The following RHO variants were observed in gnomAD, a reference collection of about 807,000 sequenced individuals.
RHO encodes the protein opsin 2, rod pigment.
RHO carries 21 observed loss-of-function variants against 31.2 expected under a neutral mutation model. The observed-to-expected ratio is 0.67, with a 90% CI of 0.48 to 0.97. RHO has a LOEUF of 0.97. RHO is among the 50% of genes least tolerant of loss of function. The pLI, the probability that RHO is intolerant of heterozygous loss-of-function variation, is 0.00. For missense variants in RHO, 414 were observed against 479.5 expected (o/e 0.86, Z 1.28); for synonymous variants, 211 against 196.6 (o/e 1.07, Z -0.61).
At position 129,529,074 on chromosome 3, in the gene RHO, G is replaced by C. The variant is rs104893788; in HGVS notation, c.341G>C (p.Gly114Ala). The change falls in exon 1 of 5, where the codon GGC (glycine) becomes GCC (alanine). Residue 114 changes from glycine to alanine, a missense_variant. By Grantham distance (60) the Gly-to-Ala change is moderately conservative (BLOSUM62 0). Transcript: ENST00000296271. The stretch of plus-strand genomic sequence containing the variant: ...GGGCCCACAGGATGCAATTTGGAGG[G>C]CTTCTTTGCCACCCTGGGCGGTATG... ...VFGPTGCNLE[G>A]FFATLGGEIA... 6.2e-7 allele frequency: 1 copy of C among 1,613,180 alleles called. No individual in the cohort carries two copies. The highest frequency in any genetic ancestry group is 8.5e-7 in the Non-Finnish European group (1 of 1,179,338).
chr3:129,530,506 A>AAC (rs146327704), intron 1 of RHO, among the ~76,000 whole-genome samples: 1,483 of 132,224 alleles, frequency 0.011, 14 homozygotes, highest in Non-Finnish European at 0.016. Context: ...TCTTCTGCTA[A>AAC]ACACACACAC....
chr3:129,530,734 A>T, intron 1 of RHO, 142 bp from the exon 2 acceptor site: 1 of 988,534 alleles, frequency 1.0e-6, no homozygotes, highest in East Asian at 2.4e-5. Context: ...TCCCAGCACC[A>T]AGCTCTCTCC....
Position 129,528,769 on chromosome 3 carries a change from C to T in RHO, c.36C>T (p.Pro12=), listed in dbSNP as rs1239256015. The T allele has an allele frequency of 5.0e-6, 8 of 1,614,082 alleles. No homozygotes were observed. Among genetic ancestry groups the T allele is most frequent in the South Asian group, 1.1e-5 (1 of 91,088 alleles). Residue 12 remains proline (P), a synonymous_variant, in exon 1 of 5, where the codon CCC becomes CCT. Coordinates refer to ENST00000296271, the MANE Select transcript of RHO (RefSeq NM_000539.3). ...CAGAAGGCCCTAACTTCTACGTGCC[C>T]TTCTCCAATGCGACGGGTGTGGTAC... The part of the protein sequence containing the change: ...NGTEGPNFYV[P]FSNATGVVRS...
chr3:129,528,649 A>AG lies in RHO; in HGVS notation c.-84dup. ...GGGGGGTCAGAACCCAGAGTCATCCAGCTGGAGCCCTGAGTGGCTGAGCTC... is the reference window on the plus strand; with the variant it reads ...GGGGGGTCAGAACCCAGAGTCATCCAGGCTGGAGCCCTGAGTGGCTGAGCTC... On this transcript the variant is annotated 5_prime_UTR_variant, in exon 1 of 5. Coordinates refer to ENST00000296271, the MANE Select transcript of RHO (RefSeq NM_000539.3). The AG allele has an allele frequency of 6.3e-7, 1 of 1,588,350 alleles. No individual in the cohort carries two copies. Among genetic ancestry groups the AG allele is most frequent in the Non-Finnish European group, 8.6e-7 (1 of 1,166,748 alleles).
rs2084794643 is a variant in RHO at position 129,532,884 on chromosome 3, A to T, written c.936+112A>T. On this transcript the variant is annotated intron_variant, in intron 4 of 4. Coordinates refer to ENST00000296271, the MANE Select transcript of RHO (RefSeq NM_000539.3). The surrounding 1 kb of genome is among the most constrained non-coding windows in gnomAD (Gnocchi z 5.5). ...GGGCTCCATCAGGGTTACTGGCAGC[A>T]GTCTTGGGTCAGCAGTCCCAATGGG... 1.4e-6 allele frequency: 2 copies of T among 1,441,610 alleles called. No homozygotes were observed. Among genetic ancestry groups the T allele is most frequent in the East Asian group, 4.5e-5 (2 of 44,008 alleles). The allele number at this position is 1,441,610 out of a possible 1,614,324, so 89.3% of individuals were successfully genotyped here.
intron 2 of RHO, 73 bp downstream of exon 2, chr3:129,531,117 A>G (rs1044079158): frequency 1.3e-5 from 21 of 1,563,156 alleles, no homozygotes; most frequent in Non-Finnish European, 1.6e-5. Flanking sequence ...ACTCAAACCC[A>G]GTAGTGTCTG....
chr3:129,530,533 A>AACACACACAC lies in RHO; in HGVS notation c.362-317_362-308dup, dbSNP rs60120581. On this transcript the variant is annotated intron_variant, in intron 1 of 4. Coordinates refer to ENST00000296271, the MANE Select transcript of RHO (RefSeq NM_000539.3). ...CACACACACACACACACACACACAC[A>AACACACACAC]ACACACACACACACACACACACACA... 9.3e-3 allele frequency among the ~76,000 whole-genome samples: 1,141 copies of AACACACACAC among 122,890 alleles called. 111 individuals are homozygous for AACACACACAC. The East Asian group carries it at 0.21, about 22-fold the overall frequency. The allele number at this position is 122,890 out of a possible 152,430, so 80.6% of individuals were successfully genotyped here. A position where few individuals can be genotyped will look rare whatever the true frequency, so the allele number is the denominator to read the frequency against.
Position 129,533,696 on chromosome 3 carries a change from C to G in RHO, c.1025C>G (p.Thr342Arg). Residue 342 changes from threonine to arginine, a missense_variant, in exon 5 of 5, where the codon ACG becomes AGG. Transcript: ENST00000296271. ...TCTGCTACCGTGTCCAAGACGGAGA[C>G]GAGCCAGGTGGCCCCGGCCTAAGAC... ...EASATVSKTE[T>R]SQVAPA is the part of the protein sequence containing the mutation. 6.2e-7 allele frequency: 1 copy of G among 1,613,878 alleles called. No individual in the cohort carries two copies. The highest frequency in any genetic ancestry group is 8.5e-7 in the Non-Finnish European group (1 of 1,179,842).
chr3:129,530,843 G>T (rs1262343887), intron 1 of RHO, 33 bp from the exon 2 acceptor site: 3 of 1,614,134 alleles, frequency 1.9e-6, no homozygotes, highest in Admixed American at 1.7e-5. Context: ...AGGCAGTGGG[G>T]TCTGTGCTGA....
At position 129,532,430 on chromosome 3, in the gene RHO, G is replaced by A; in HGVS notation, c.696+14G>A. ...ACCGTCAAGGAGGTACGGGCCGGGG[G>A]GTGGGCGGCCTCACGGCTCTGAGGG... On this transcript the variant is annotated intron_variant, in intron 3 of 4. Transcript: ENST00000296271. The surrounding 1 kb of genome is among the most constrained non-coding windows in gnomAD (Gnocchi z 5.5). 2 of 1,613,940 alleles carry A rather than the reference G, an allele frequency of 1.2e-6. No individual in the cohort carries two copies. Among genetic ancestry groups the A allele is most frequent in the South Asian group, 1.1e-5 (1 of 91,086 alleles).
chr3:129,530,666 C>G (rs546852513), intron 1 of RHO, among the ~76,000 whole-genome samples: 1 of 152,326 alleles, frequency 6.6e-6, no homozygotes, highest in South Asian at 2.1e-4. Context: ...CCCCCATTCC[C>G]TGGAATTTCT....
chr3:129,533,908 G>C lies in RHO; in HGVS notation c.*190G>C. The C allele has an allele frequency of 3.6e-6, 2 of 558,656 alleles. No homozygotes were observed. Among genetic ancestry groups the C allele is most frequent in the Non-Finnish European group, 6.4e-6 (2 of 312,492 alleles). 34.6% of individuals were successfully genotyped at this position (558,656 alleles called of 1,614,324 possible). On this transcript the variant is annotated 3_prime_UTR_variant, in exon 5 of 5. Transcript: ENST00000296271. ...ACTCACCTGGGACAGCCTGAGAAGG[G>C]ACATCCACCAAGACCTACTGATCTG...
chr3:129,530,375 C>G (rs551759609), intron 1 of RHO, among the ~76,000 whole-genome samples: 9 of 152,220 alleles, frequency 5.9e-5, no homozygotes, highest in African/African-American at 1.9e-4. Flanking sequence ...GGAGAGGCCC[C>G]CACATGTCCG....
In RHO at chr3:129,528,642, G is replaced by A. The variant is rs2084754772; in HGVS notation, c.-92G>A. 1.3e-6 allele frequency: 2 copies of A among 1,571,126 alleles called. No individual in the cohort carries two copies. The highest frequency in any genetic ancestry group is 4.6e-5 in the East Asian group (2 of 43,202). ...GGGTCTGGGGGGGTCAGAACCCAGAGTCATCCAGCTGGAGCCCTGAGTGGC... is the reference window on the plus strand; with the variant it reads ...GGGTCTGGGGGGGTCAGAACCCAGAATCATCCAGCTGGAGCCCTGAGTGGC... On this transcript the variant is annotated 5_prime_UTR_variant, in exon 1 of 5. Coordinates refer to ENST00000296271, the MANE Select transcript of RHO (RefSeq NM_000539.3).
At position 129,532,407 on chromosome 3, in the gene RHO, C is replaced by A. The variant is rs143003934; in HGVS notation, c.687C>A (p.Thr229=). 1.9e-6 allele frequency: 3 copies of A among 1,614,010 alleles called. No homozygotes were observed. In the South Asian group the frequency reaches 3.3e-5, roughly 18 times the overall value. ...IFFCYGQLVF[T]VKEAAAQQQE... ...TCTGCTATGGGCAGCTCGTCTTCAC[C>A]GTCAAGGAGGTACGGGCCGGGGGGT... Residue 229 remains threonine, a synonymous_variant, in exon 3 of 5, where the codon ACC becomes ACA. Coordinates refer to ENST00000296271, the MANE Select transcript of RHO (RefSeq NM_000539.3). This position sits in a 1 kb window ranked among gnomAD's most constrained non-coding sequence, Gnocchi z 5.5.
chr3:129,532,294 T>A lies in RHO; in HGVS notation c.574T>A (p.Tyr192Asn). The A allele has an allele frequency of 6.2e-7, 1 of 1,614,076 alleles. No homozygotes were observed. The highest frequency in any genetic ancestry group is 8.5e-7 in the Non-Finnish European group (1 of 1,179,994). Residue 192 changes from tyrosine (Y) to asparagine (N), a missense_variant, in exon 3 of 5, where the codon TAC becomes AAC. Physicochemically the swap from Tyr to Asn is moderately radical, Grantham distance 143. Coordinates refer to ENST00000296271, the MANE Select transcript of RHO (RefSeq NM_000539.3). The surrounding 1 kb of genome is among the most constrained non-coding windows in gnomAD (Gnocchi z 5.5). Reference sequence around the variant, plus strand: ...GCAGTGCTCGTGTGGAATCGACTACTACACGCTCAAGCCGGAGGTCAACAA... The same window carrying A: ...GCAGTGCTCGTGTGGAATCGACTACAACACGCTCAAGCCGGAGGTCAACAA... The part of the protein sequence containing the change: ...GLQCSCGIDY[Y>N]TLKPEVNNES...
chr3:129,531,070 A>G (rs1407241381), intron 2 of RHO, 26 bp downstream of exon 2: 1 of 1,609,922 alleles, frequency 6.2e-7, no homozygotes, highest in Non-Finnish European at 8.5e-7. Flanking sequence ...AGAAGGGAAG[A>G]AGCTCCGGGG....
chr3:129,532,124 G>A lies in RHO; in HGVS notation c.531-127G>A. Reference sequence around the variant, plus strand: ...CCATTCCATCCTGTCACCCAGCCATGCAGACGTTTATGATCCCCTTTTCCA... The same window carrying A: ...CCATTCCATCCTGTCACCCAGCCATACAGACGTTTATGATCCCCTTTTCCA... On this transcript the variant is annotated intron_variant, in intron 2 of 4. Coordinates refer to ENST00000296271, the MANE Select transcript of RHO (RefSeq NM_000539.3). This position sits in a 1 kb window ranked among gnomAD's most constrained non-coding sequence, Gnocchi z 5.5. The A allele has an allele frequency of 2.8e-6, 2 of 723,512 alleles. No individual in the cohort carries two copies. Among genetic ancestry groups the A allele is most frequent in the Non-Finnish European group, 2.5e-6 (1 of 405,646 alleles). The allele number at this position is 723,512 out of a possible 1,614,324, so 44.8% of individuals were successfully genotyped here.
chr3:129,533,927 T>TG lies in RHO; in HGVS notation c.*210dup, dbSNP rs1365555627. ...AGAAGGGACATCCACCAAGACCTAC[T>TG]GATCTGGAGTCCCACGTTCCCCAAG... On this transcript the variant is annotated 3_prime_UTR_variant, in exon 5 of 5. Coordinates refer to ENST00000296271, the MANE Select transcript of RHO (RefSeq NM_000539.3). 25 of 535,328 alleles carry TG rather than the reference T, an allele frequency of 4.7e-5. No homozygotes were observed. Among genetic ancestry groups the TG allele is most frequent in the African/African-American group, 4.6e-4 (24 of 52,678 alleles). The allele number at this position is 535,328 out of a possible 1,614,324, so 33.2% of individuals were successfully genotyped here. A position where few individuals can be genotyped will look rare whatever the true frequency, so the allele number is the denominator to read the frequency against.
Sources: allele counts gnomAD v4.1 joint callset (sites outside exome capture counted in the v4.1 genomes callset), GRCh38; gene constraint gnomAD v4.1.1; non-coding constraint Gnocchi (gnomAD v3.1); transcripts MANE v1.5; gene names NCBI Gene and HGNC (gene_info 2026-07-23, HGNC 2026-07-21).